Variants in NTM observed in about 807,000 individuals in gnomAD.
NTM encodes neurotrimin.
NTM carries 13 observed loss-of-function variants against 42.1 expected under a neutral mutation model. The ratio of observed to expected loss-of-function variants is 0.31; its 90% confidence interval spans 0.20 to 0.49. The LOEUF is 0.49. NTM is among the 20% of genes least tolerant of loss of function. NTM has a pLI of 0.99. For missense variants in NTM, 373 were observed against 452.8 expected (o/e 0.82, Z 1.60); for synonymous variants, 187 against 179.2 (o/e 1.04, Z -0.35).
intron 1 of NTM, among the ~76,000 whole-genome samples, chr11:131,523,774 C>T (rs1456195474): frequency 1.8e-5 from 2 of 108,842 alleles, no homozygotes; most frequent in African/African-American, 4.0e-5. Flanking sequence ...CAGAGCGAGA[C>T]TCCATCTCAA....
intron 1 of NTM, among the ~76,000 whole-genome samples, chr11:131,626,578 C>A (rs185390287): frequency 1.3e-5 from 2 of 152,170 alleles, no homozygotes; most frequent in African/African-American, 2.4e-5. Context: ...CAACTCCTCA[C>A]GTGTAAAGCA....
chr11:131,611,655 C>T (rs985107845), intron 1 of NTM, among the ~76,000 whole-genome samples: 1 of 152,186 alleles, frequency 6.6e-6, no homozygotes, highest in Non-Finnish European at 1.5e-5. Flanking sequence ...GGAACTGCAG[C>T]TAGAAGCAGA....
intron 1 of NTM, among the ~76,000 whole-genome samples, chr11:131,477,692 C>T (rs1178748934): frequency 2.0e-5 from 3 of 152,002 alleles, no homozygotes; most frequent in African/African-American, 4.8e-5. Context: ...TCTCAAAATA[C>T]TATTTCCCAG....
At chr11:131,814,800 T>C (rs1023809140) in intron 1 of NTM, among the ~76,000 whole-genome samples, 4 of 152,150 alleles carry the variant, frequency 2.6e-5, no homozygotes, top group African/African-American at 9.7e-5. Context: ...GTTGCTACAC[T>C]CACTCCAGCG....
intron 1 of NTM, among the ~76,000 whole-genome samples, chr11:131,453,600 C>T (rs1322450252): frequency 6.6e-6 from 1 of 152,006 alleles, no homozygotes; most frequent in African/African-American, 2.4e-5. Flanking sequence ...CAGGAATTAG[C>T]AAGTCCACAA....
In NTM at chr11:132,198,069, G is replaced by A. The variant is rs1315350817; in HGVS notation, c.401-13953G>A. ...TCTAGTTCTAGATCCCTGAGGAATC[G>A]CCACCCTGACTTCCACAATGGTTGA... On this transcript the variant is annotated intron_variant, in intron 3 of 8. Transcript: ENST00000683400. Among the ~76,000 whole-genome samples the A allele has an allele frequency of 5.9e-5, 9 of 152,188 alleles. No homozygotes were observed. In the South Asian group the frequency reaches 1.7e-3, roughly 28 times the overall value.
chr11:131,690,701 G>A (rs1199321520), intron 1 of NTM, among the ~76,000 whole-genome samples: 1 of 152,236 alleles, frequency 6.6e-6, no homozygotes, highest in African/African-American at 2.4e-5. Flanking sequence ...GCAGCCTGGG[G>A]TCCAAGGAAG....
At chr11:131,984,005 C>T (rs556158470) in intron 2 of NTM, among the ~76,000 whole-genome samples, 2 of 152,272 alleles carry the variant, frequency 1.3e-5, no homozygotes, top group African/African-American at 4.8e-5. Context: ...ATCTACCTGC[C>T]TGTAGAGCCA....
chr11:132,253,034 C>T (rs1386051863), intron 4 of NTM, among the ~76,000 whole-genome samples: 1 of 152,206 alleles, frequency 6.6e-6, no homozygotes, highest in African/African-American at 2.4e-5. Context: ...AATGTTGATT[C>T]TAAAGCCATA....
chr11:131,655,029 C>T (rs1023967134), intron 1 of NTM, among the ~76,000 whole-genome samples: 4 of 152,232 alleles, frequency 2.6e-5, no homozygotes, highest in Non-Finnish European at 5.9e-5. Context: ...TGTGTTTTAC[C>T]AACCCCGCCC....
chr11:131,412,379 G>A (rs1174461927), intron 1 of NTM, among the ~76,000 whole-genome samples: 6 of 152,148 alleles, frequency 3.9e-5, no homozygotes, highest in Non-Finnish European at 7.3e-5. Flanking sequence ...AGAAAGGAAG[G>A]AGCAAACTAA....
intron 2 of NTM, among the ~76,000 whole-genome samples, chr11:131,966,053 G>T (rs550860246): frequency 4.8e-4 from 73 of 152,176 alleles, no homozygotes; most frequent in African/African-American, 1.7e-3. Context: ...TTTTCTGGGG[G>T]TGATGGTAGG....
chr11:131,721,576 A>G (rs1206357887), intron 1 of NTM, among the ~76,000 whole-genome samples: 3 of 152,152 alleles, frequency 2.0e-5, no homozygotes, highest in African/African-American at 7.2e-5. Context: ...TTTGAGCTCC[A>G]CGTCCATCTA....
At chr11:131,401,824 A>ATGTG (rs1555101767) in intron 1 of NTM, among the ~76,000 whole-genome samples, 4 of 64,104 alleles carry the variant, frequency 6.2e-5, no homozygotes, top group East Asian at 4.5e-4. Context: ...ATATATATAT[A>ATGTG]TATATATATA....
chr11:132,124,377 C>A (rs1385077003), intron 2 of NTM, among the ~76,000 whole-genome samples: 1 of 152,208 alleles, frequency 6.6e-6, no homozygotes, highest in African/African-American at 2.4e-5. Context: ...CTCCAAAACA[C>A]AGGTCCCAGC....
chr11:131,895,160 A>G (rs931849377), intron 1 of NTM, among the ~76,000 whole-genome samples: 1 of 152,210 alleles, frequency 6.6e-6, no homozygotes, highest in African/African-American at 2.4e-5. Context: ...CATCACTGAT[A>G]TATAGAGTCC....
At chr11:131,804,350 A>C (rs6590599) in intron 1 of NTM, among the ~76,000 whole-genome samples, 112,203 of 152,006 alleles carry the variant, frequency 0.74, 41,955 homozygotes, top group African/African-American at 0.83. Flanking sequence ...GGGTTGGGGT[A>C]CGGCCACACT....
At chr11:131,521,172 G>T (rs116887215) in intron 1 of NTM, among the ~76,000 whole-genome samples, 3 of 151,362 alleles carry the variant, frequency 2.0e-5, no homozygotes, top group South Asian at 4.2e-4. Context: ...AAAATAAGCC[G>T]GGCATGGTAG....
intron 1 of NTM, among the ~76,000 whole-genome samples, chr11:131,797,552 GTTAC>G (rs1340604834): frequency 3.3e-5 from 5 of 152,144 alleles, no homozygotes; most frequent in African/African-American, 1.2e-4. Context: ...TCTGGGAGTT[GTTAC>G]TTACTTTTAT....
Sources: gnomAD v4.1 joint callset for allele counts (sites outside exome capture counted in the v4.1 genomes callset) on GRCh38, gnomAD v4.1.1 for gene constraint, MANE v1.5 for transcripts, NCBI Gene and HGNC (gene_info 2026-07-23, HGNC 2026-07-21) for gene names.